The following PRKCZ variants were observed in gnomAD, a reference collection of about 807,000 sequenced individuals.
The protein encoded by PRKCZ is protein kinase C zeta type.
PRKCZ carries 33 observed loss-of-function variants against 79.5 expected under a neutral mutation model. That is an observed-to-expected ratio of 0.41 (90% CI 0.31 to 0.55). The LOEUF (loss-of-function observed/expected upper bound fraction) is 0.55, where lower values mean the gene tolerates loss of function less well. PRKCZ is among the 20% of genes least tolerant of loss of function. The pLI, the probability that PRKCZ is intolerant of heterozygous loss-of-function variation, is 0.19. For missense variants in PRKCZ, 578 were observed against 813.5 expected (o/e 0.71, Z 3.52); for synonymous variants, 342 against 320.9 (o/e 1.07, Z -0.70).
Position 2,135,352 on chromosome 1 carries a change from G to A in PRKCZ, c.420+5G>A. 6.2e-7 allele frequency: 1 copy of A among 1,608,214 alleles called. No individual in the cohort carries two copies. The highest frequency in any genetic ancestry group is 8.5e-7 in the Non-Finnish European group (1 of 1,176,020). ...CAAGCCAAGCGCTTTAACAGGGTGA[G>A]TGGCCCCCTTGGGACTAGTCCCTCA... is the stretch of plus-strand genomic sequence containing the variant. On this transcript the variant is annotated splice_donor_5th_base_variant and intron_variant, in intron 5 of 17. Transcript: ENST00000378567.
At position 2,152,925 on chromosome 1, in the gene PRKCZ, T is replaced by C. The variant is rs575572887; in HGVS notation, c.876+1947T>C. Among the ~76,000 whole-genome samples, 30 of 152,382 alleles carry C rather than the reference T, an allele frequency of 2.0e-4. No individual in the cohort carries two copies. In the South Asian group the frequency reaches 5.8e-3, roughly 29 times the overall value. On this transcript the variant is annotated intron_variant, in intron 9 of 17. Coordinates refer to ENST00000378567, the MANE Select transcript of PRKCZ (RefSeq NM_002744.6). ...TTATAGTGTTCCCACCCTTGGCTGTTGTGAGTGGTGCCACTGTGAAGGTTC... is the reference window on the plus strand; with the variant it reads ...TTATAGTGTTCCCACCCTTGGCTGTCGTGAGTGGTGCCACTGTGAAGGTTC...
intron 4 of PRKCZ, among the ~76,000 whole-genome samples, chr1:2,105,101 G>A (rs1557570097): frequency 6.6e-6 from 1 of 152,068 alleles, no homozygotes; most frequent in Non-Finnish European, 1.5e-5. Context: ...CACGTCTGTC[G>A]TGCCATGAAG....
At chr1:2,119,976 C>G (rs1166143679) in intron 4 of PRKCZ, among the ~76,000 whole-genome samples, 1 of 151,980 alleles carries the variant, frequency 6.6e-6, no homozygotes, top group East Asian at 1.9e-4. Flanking sequence ...TGGGAAATGT[C>G]TTTGGCATTC....
Position 2,185,114 on chromosome 1 carries a change from G to A in PRKCZ, c.*105G>A. 1 of 1,133,922 alleles carries A rather than the reference G, an allele frequency of 8.8e-7. No individual in the cohort carries two copies. The highest frequency in any genetic ancestry group is 1.3e-6 in the Non-Finnish European group (1 of 781,682). The allele number at this position is 1,133,922 out of a possible 1,614,324, so 70.2% of individuals were successfully genotyped here. A position where few individuals can be genotyped will look rare whatever the true frequency, so the allele number is the denominator to read the frequency against. ...TGGGCACGGCTCCGAGGGCGGCCAG[G>A]GACAGACGCTTGCGCCGAGACCGCA... is the stretch of plus-strand genomic sequence containing the variant. On this transcript the variant is annotated 3_prime_UTR_variant, in exon 18 of 18. Transcript: ENST00000378567.
In PRKCZ at chr1:2,172,961, C is replaced by T. The variant is rs564386709; in HGVS notation, c.1285+573C>T. Among the ~76,000 whole-genome samples, 166 of 151,492 alleles carry T rather than the reference C, an allele frequency of 1.1e-3. 1 individual carries two copies. The highest frequency in any genetic ancestry group is 2.0e-3 in the Non-Finnish European group (136 of 67,962). ...GGGGATGTGGGCACGCGTGTGCAGC[C>T]GTGTGTGCGTGTGTGAAACGGGGAC... On this transcript the variant is annotated intron_variant, in intron 13 of 17. Coordinates refer to ENST00000378567, the MANE Select transcript of PRKCZ (RefSeq NM_002744.6). The surrounding 1 kb of genome is among the most constrained non-coding windows in gnomAD (Gnocchi z 7.8).
intron 1 of PRKCZ, among the ~76,000 whole-genome samples, chr1:2,052,709 G>T (rs1282560566): frequency 6.6e-6 from 1 of 152,166 alleles, no homozygotes; most frequent in African/African-American, 2.4e-5. Flanking sequence ...GGACACTCAG[G>T]CCTTAGGGCA....
At chr1:2,181,556 G>A (rs1686619145) in intron 16 of PRKCZ, among the ~76,000 whole-genome samples, 1 of 152,238 alleles carries the variant, frequency 6.6e-6, no homozygotes, top group Non-Finnish European at 1.5e-5. Context: ...CCGACCTGGA[G>A]CCCACGTGCC....
At chr1:2,065,839 A>T (rs1191720833) in intron 4 of PRKCZ, among the ~76,000 whole-genome samples, 1 of 152,106 alleles carries the variant, frequency 6.6e-6, no homozygotes, top group African/African-American at 2.4e-5. Flanking sequence ...CTTCTATTCC[A>T]AGTTTGTCAA....
At chr1:2,169,209 C>T (rs1683914154) in intron 10 of PRKCZ, 3 of 477,932 alleles carry the variant, frequency 6.3e-6, no homozygotes, top group Admixed American at 2.3e-5. Context: ...TCCACTCCCA[C>T]CTGGTGACGG....
At chr1:2,156,511 T>G (rs1221713864) in intron 10 of PRKCZ, 1 of 188,438 alleles carries the variant, frequency 5.3e-6, no homozygotes, top group Non-Finnish European at 1.1e-5. Context: ...GTTTAAAATT[T>G]TGGGGGCCAG....
chr1:2,056,427 C>A (rs546635044), intron 2 of PRKCZ, 57 bp from the exon 3 acceptor site: 5 of 1,509,992 alleles, frequency 3.3e-6, no homozygotes, highest in East Asian at 4.6e-5. Flanking sequence ...GGGCTCGTCA[C>A]AGCCCCCTTT....
intron 10 of PRKCZ, among the ~76,000 whole-genome samples, chr1:2,164,982 T>C (rs3128306): frequency 0.094 from 14,347 of 152,226 alleles, 726 homozygotes; most frequent in Middle Eastern, 0.12. Context: ...CGTCCTTTCA[T>C]GTTGAGGACA....
chr1:2,138,621 G>A (rs566064465), intron 5 of PRKCZ, among the ~76,000 whole-genome samples: 12 of 151,728 alleles, frequency 7.9e-5, no homozygotes, highest in Non-Finnish European at 1.6e-4. Flanking sequence ...CACAGTAAAC[G>A]GCAGGTGGAT....
Position 2,184,630 on chromosome 1 carries a change from C to T in PRKCZ, c.1623C>T (p.Asp541=), listed in dbSNP as rs377447072. ...ALPPFQPQIT[D]DYGLDNFDTQ... Reference sequence around the variant, plus strand: ...CTCCATTCCAGCCACAGATCACAGACGACTACGGTCTGGACAACTTTGACA... The same window carrying T: ...CTCCATTCCAGCCACAGATCACAGATGACTACGGTCTGGACAACTTTGACA... The change falls in exon 17 of 18, where the codon GAC becomes GAT. Residue 541 remains aspartate, a synonymous_variant. Transcript: ENST00000378567. The T allele has an allele frequency of 2.8e-5, 45 of 1,613,982 alleles. No individual in the cohort carries two copies. The highest frequency in any genetic ancestry group is 2.9e-5 in the Non-Finnish European group (34 of 1,180,018).
chr1:2,172,511 T>C lies in PRKCZ; in HGVS notation c.1285+123T>C. The stretch of plus-strand genomic sequence containing the variant: ...ACACCCAAAAGCCACACACTGTCTT[T>C]CCCAGCCGGATGTCATCATCTGGCC... On this transcript the variant is annotated intron_variant, in intron 13 of 17. Coordinates refer to ENST00000378567, the MANE Select transcript of PRKCZ (RefSeq NM_002744.6). The surrounding 1 kb of genome is among the most constrained non-coding windows in gnomAD (Gnocchi z 7.8). The C allele has an allele frequency of 8.9e-7, 1 of 1,120,190 alleles. No individual in the cohort carries two copies. Among genetic ancestry groups the C allele is most frequent in the East Asian group, 2.6e-5 (1 of 38,336 alleles). 69.4% of individuals were successfully genotyped at this position (1,120,190 alleles called of 1,614,324 possible). A position where few individuals can be genotyped will look rare whatever the true frequency, so the allele number is the denominator to read the frequency against.
chr1:2,089,220 G>T (rs1359226271), intron 4 of PRKCZ, among the ~76,000 whole-genome samples: 1 of 112,188 alleles, frequency 8.9e-6, no homozygotes, highest in Non-Finnish European at 1.6e-5. Context: ...TCGGCCGGGC[G>T]ATGGCAGACG....
chr1:2,088,681 C>T lies in PRKCZ; in HGVS notation c.334+29090C>T, dbSNP rs373635506. Reference sequence around the variant, plus strand: ...AGGTCAGGCTGTGGGAGCTTCGGAGCCTGACCAAACCCAGGTCATGTGTGC... The same window carrying T: ...AGGTCAGGCTGTGGGAGCTTCGGAGTCTGACCAAACCCAGGTCATGTGTGC... On this transcript the variant is annotated intron_variant, in intron 4 of 17. Coordinates refer to ENST00000378567, the MANE Select transcript of PRKCZ (RefSeq NM_002744.6). 3.9e-5 allele frequency among the ~76,000 whole-genome samples: 6 copies of T among 152,290 alleles called. No homozygotes were observed. The East Asian group carries it at 5.8e-4, about 15-fold the overall frequency.
At position 2,118,438 on chromosome 1, in the gene PRKCZ, C is replaced by T. The variant is rs748771320; in HGVS notation, c.335-16824C>T. On this transcript the variant is annotated intron_variant, in intron 4 of 17. Coordinates refer to ENST00000378567, the MANE Select transcript of PRKCZ (RefSeq NM_002744.6). ...CTGCAAGCTCTGCCTCCTGGGTTCA[C>T]GCCATTCTCCTGCCTCAGCCTCCTG... Among the ~76,000 whole-genome samples the T allele has an allele frequency of 3.3e-5, 5 of 150,068 alleles. No homozygotes were observed. In the South Asian group the frequency reaches 6.4e-4, roughly 19 times the overall value.
At chr1:2,159,638 G>T (rs1016325631) in intron 10 of PRKCZ, among the ~76,000 whole-genome samples, 4 of 152,192 alleles carry the variant, frequency 2.6e-5, no homozygotes, top group Non-Finnish European at 5.9e-5. Context: ...GGCCATGTTC[G>T]TGTCCACTGG....
Sources: gnomAD v4.1 joint callset for allele counts (sites outside exome capture counted in the v4.1 genomes callset) on GRCh38, gnomAD v4.1.1 for gene constraint, Gnocchi (gnomAD v3.1) non-coding constraint, MANE v1.5 for transcripts, NCBI Gene and HGNC (gene_info 2026-07-23, HGNC 2026-07-21) for gene names.